TENT4B: variants seen among roughly 807,000 people sequenced by gnomAD.
The protein encoded by TENT4B is terminal nucleotidyltransferase 4B, also known as PAP associated domain containing 5.
Under a neutral mutation model 75.0 loss-of-function variants are expected in TENT4B, and 10 were observed. The ratio of observed to expected loss-of-function variants is 0.13; its 90% CI spans 0.08 to 0.23. The LOEUF is 0.23. TENT4B is among the 10% of genes least tolerant of loss of function. The pLI is 1.00. For synonymous variants in TENT4B, 350 were observed against 357.7 expected (o/e 0.98, Z 0.24); for missense variants, 579 against 893.8 (o/e 0.65, Z 4.49).
chr16:50,209,110 A>G (rs1395325813), intron 1 of TENT4B, among the ~76,000 whole-genome samples: 1 of 152,194 alleles, frequency 6.6e-6, no homozygotes, highest in African/African-American at 2.4e-5. Flanking sequence ...CTTTATTTGA[A>G]TTAGAAAATT....
At chr16:50,169,279 G>C (rs1038103588) in intron 1 of TENT4B, among the ~76,000 whole-genome samples, 1 of 151,318 alleles carries the variant, frequency 6.6e-6, no homozygotes, top group African/African-American at 2.4e-5. Flanking sequence ...CCTACTCTCT[G>C]GATTTTGCTG....
Position 50,227,926 on chromosome 16 carries a change from T to G in TENT4B, c.1888T>G (p.Leu630Val), listed in dbSNP as rs761991050. 3 of 1,614,016 alleles carry G rather than the reference T, an allele frequency of 1.9e-6. No individual in the cohort carries two copies. The Admixed American group carries it at 5.0e-5, about 27-fold the overall frequency. The change falls in exon 11 of 12, where the codon TTG becomes GTG. Residue 630 changes from leucine (L) to valine (V), a missense_variant. Coordinates refer to ENST00000561678, the MANE Select transcript of TENT4B (RefSeq NM_001365324.3). ...CCGAGTAGGGTCGCAAGATGTATCC[T>G]TGGAGTCCTCTCAGGCAGTTGGGAA... ...GNRVGSQDVS[L>V]ESSQAVGKMQ...
At chr16:50,178,183 G>A (rs2038345878) in intron 1 of TENT4B, among the ~76,000 whole-genome samples, 2 of 145,276 alleles carry the variant, frequency 1.4e-5, no homozygotes, top group Non-Finnish European at 1.5e-5. Context: ...CTGGCCAGGT[G>A]CAGTGGCTTA....
chr16:50,182,913 TTTTTTTTTTG>T, intron 1 of TENT4B, among the ~76,000 whole-genome samples: 1 of 137,786 alleles, frequency 7.3e-6, no homozygotes, highest in Non-Finnish European at 1.6e-5. Flanking sequence ...TTTTTTTTTT[TTTTTTTTTTG>T]AGTTAGGCCA....
chr16:50,190,533 A>G (rs2150708326), intron 1 of TENT4B, among the ~76,000 whole-genome samples: 1 of 152,090 alleles, frequency 6.6e-6, no homozygotes. Context: ...ATATAAATGG[A>G]ATCATGTCTT....
In TENT4B at chr16:50,223,207, A is replaced by G; in HGVS notation, c.1201A>G (p.Thr401Ala). The change falls in exon 7 of 12, where the codon ACA becomes GCA. Residue 401 changes from threonine (T) to alanine (A), a missense_variant. Coordinates refer to ENST00000561678, the MANE Select transcript of TENT4B (RefSeq NM_001365324.3). ...CAGGGAAGATGCTTGCATCCCCAAT[A>G]CAAACTATGGTGTTCTCTTAATAGA... Reference protein sequence around the residue: ...HPREDACIPNTNYGVLLIEFF... With the variant: ...HPREDACIPNANYGVLLIEFF... The G allele has an allele frequency of 6.2e-7, 1 of 1,613,064 alleles. No homozygotes were observed. Among genetic ancestry groups the G allele is most frequent in the East Asian group, 2.2e-5 (1 of 44,854 alleles).
Position 50,203,121 on chromosome 16 carries a change from T to C in TENT4B, c.639-8202T>C, listed in dbSNP as rs377157862. Among the ~76,000 whole-genome samples, 10 of 152,372 alleles carry C rather than the reference T, an allele frequency of 6.6e-5. No individual in the cohort carries two copies. The East Asian group carries it at 1.9e-3, about 29-fold the overall frequency. Reference sequence around the variant, plus strand: ...AAGGGTTGCCATAGCAAATATGGCATTCCTTAGCCATGATTCACTGTTGTA... The same window carrying C: ...AAGGGTTGCCATAGCAAATATGGCACTCCTTAGCCATGATTCACTGTTGTA... On this transcript the variant is annotated intron_variant, in intron 1 of 11. Transcript: ENST00000561678.
At chr16:50,157,658 G>A (rs2037926433) in intron 1 of TENT4B, among the ~76,000 whole-genome samples, 2 of 151,494 alleles carry the variant, frequency 1.3e-5, no homozygotes, top group African/African-American at 2.4e-5. Flanking sequence ...GTGCAGTGGT[G>A]TGATCTCGGC....
In TENT4B at chr16:50,231,860, T is replaced by C. The variant is rs75282405; in HGVS notation, c.*2532T>C. 8.7e-4 allele frequency: 852 copies of C among 983,634 alleles called. 12 individuals are homozygous for C. In the African/African-American group the frequency reaches 0.014, roughly 16 times the overall value. 60.9% of individuals were successfully genotyped at this position (983,634 alleles called of 1,614,324 possible). The stretch of plus-strand genomic sequence containing the variant: ...TGCCTGCTCATTTGTTTTATACATT[T>C]CATCTATTTGACTCCTATCTTATTT... On this transcript the variant is annotated 3_prime_UTR_variant, in exon 12 of 12. Transcript: ENST00000561678.
At position 50,153,710 on chromosome 16, in the gene TENT4B, T is replaced by C; in HGVS notation, c.89T>C (p.Leu30Pro). The change falls in exon 1 of 12, where the codon CTG becomes CCG. Residue 30 changes from leucine to proline, a missense_variant. Leu to Pro is a moderately conservative substitution (Grantham distance 98, BLOSUM62 -3). Transcript: ENST00000561678. ...CAGATCTGGGAGACGACCCAGGGGC[T>C]GAGGAACCTCTACTTCAACCACCAC... ...WMQIWETTQG[L>P]RNLYFNHHCH... 9.6e-7 allele frequency: 1 copy of C among 1,037,672 alleles called. No individual in the cohort carries two copies. The allele number at this position is 1,037,672 out of a possible 1,614,324, so 64.3% of individuals were successfully genotyped here.
chr16:50,159,209 TCTCTCG>T (rs1342474065), intron 1 of TENT4B, among the ~76,000 whole-genome samples: 45 of 151,752 alleles, frequency 3.0e-4, no homozygotes, highest in Admixed American at 7.2e-4. Flanking sequence ...TTTCTCTCTC[TCTCTCG>T]CTCTCGCTCC....
intron 1 of TENT4B, among the ~76,000 whole-genome samples, chr16:50,194,604 G>A (rs1200088415): frequency 2.0e-5 from 3 of 151,754 alleles, no homozygotes; most frequent in Non-Finnish European, 4.4e-5. Context: ...AGGCTGAAGC[G>A]CAGTGGTGCA....
At chr16:50,186,260 A>G (rs1051387795) in intron 1 of TENT4B, among the ~76,000 whole-genome samples, 2 of 151,570 alleles carry the variant, frequency 1.3e-5, no homozygotes, top group African/African-American at 2.4e-5. Flanking sequence ...TTCTATCTCT[A>G]TCAATTTGCC....
At chr16:50,176,230 G>C (rs2038305894) in intron 1 of TENT4B, among the ~76,000 whole-genome samples, 1 of 151,742 alleles carries the variant, frequency 6.6e-6, no homozygotes, top group African/African-American at 2.4e-5. Context: ...GGGATTATGG[G>C]TGCCCATGAC....
At chr16:50,198,578 A>C (rs368172341) in intron 1 of TENT4B, among the ~76,000 whole-genome samples, 44 of 152,284 alleles carry the variant, frequency 2.9e-4, no homozygotes, top group African/African-American at 1.0e-3. Context: ...AAACTTGAAG[A>C]TATCAGATCA....
intron 1 of TENT4B, among the ~76,000 whole-genome samples, chr16:50,166,541 T>G (rs1033748768): frequency 6.6e-6 from 1 of 152,234 alleles, no homozygotes; most frequent in Non-Finnish European, 1.5e-5. Context: ...TGGAGAAATA[T>G]CTATTCAAAT....
intron 1 of TENT4B, among the ~76,000 whole-genome samples, chr16:50,209,394 G>A (rs1169820517): frequency 6.6e-6 from 1 of 152,130 alleles, no homozygotes; most frequent in East Asian, 1.9e-4. Context: ...GAAGCAGAAG[G>A]GTTTAGATAA....
intron 1 of TENT4B, among the ~76,000 whole-genome samples, chr16:50,192,099 A>T (rs903418963): frequency 6.6e-6 from 1 of 151,548 alleles, no homozygotes; most frequent in Non-Finnish European, 1.5e-5. Flanking sequence ...AAAATTAGCC[A>T]CGCATGGTGG....
At position 50,230,673 on chromosome 16, in the gene TENT4B, T is replaced by G. The variant is rs2032264157; in HGVS notation, c.*1345T>G. The G allele has an allele frequency of 4.1e-6, 4 of 985,658 alleles. No individual in the cohort carries two copies. In the Admixed American group the frequency reaches 1.8e-4, roughly 45 times the overall value. 61.1% of individuals were successfully genotyped at this position (985,658 alleles called of 1,614,324 possible). ...GGAATTGTTATCGTTAATTAAAACT[T>G]TTTTAAACATTGGCTTGTTTCAATC... On this transcript the variant is annotated 3_prime_UTR_variant, in exon 12 of 12. Coordinates refer to ENST00000561678, the MANE Select transcript of TENT4B (RefSeq NM_001365324.3).
Sources: gnomAD v4.1 joint callset for allele counts (sites outside exome capture counted in the v4.1 genomes callset) on GRCh38, gnomAD v4.1.1 for gene constraint, MANE v1.5 for transcripts, NCBI Gene and HGNC (gene_info 2026-07-23, HGNC 2026-07-21) for gene names.